NFATC3: variants seen among roughly 807,000 people sequenced by gnomAD.
NFATC3 encodes the protein nuclear factor of activated T-cells, cytoplasmic 3.
In NFATC3, 46 loss-of-function variants were observed where a neutral mutation model predicts 98.6. That is an observed-to-expected ratio of 0.47 (90% CI 0.37 to 0.60). The LOEUF (loss-of-function observed/expected upper bound fraction) is 0.60, where lower values mean the gene tolerates loss of function less well. NFATC3 is among the 20% of genes least tolerant of loss of function. The pLI, the probability that NFATC3 is intolerant of heterozygous loss-of-function variation, is 0.00. For missense variants in NFATC3, 1,256 were observed against 1,295.5 expected (o/e 0.97, Z 0.47); for synonymous variants, 512 against 472.2 (o/e 1.08, Z -1.09).
intron 1 of NFATC3, among the ~76,000 whole-genome samples, chr16:68,108,299 A>G (rs1183206934): frequency 6.6e-6 from 1 of 152,180 alleles, no homozygotes; most frequent in Non-Finnish European, 1.5e-5. Flanking sequence ...GCATATGGCT[A>G]GCCAGTTCTC....
At chr16:68,098,294 ATTATTAT>A (rs1361103271) in intron 1 of NFATC3, among the ~76,000 whole-genome samples, 17 of 104,418 alleles carry the variant, frequency 1.6e-4, no homozygotes, top group African/African-American at 7.5e-4. Context: ...TATTATTATT[ATTATTAT>A]TTTTTTTTTT....
At chr16:68,209,559 G>A (rs1021774307) in intron 9 of NFATC3, 5 of 316,334 alleles carry the variant, frequency 1.6e-5, no homozygotes, top group Admixed American at 1.5e-4. Context: ...GGCCTAGCAC[G>A]TGGAATTTGC....
At chr16:68,204,959 C>T (rs2041083535) in intron 9 of NFATC3, among the ~76,000 whole-genome samples, 1 of 149,452 alleles carries the variant, frequency 6.7e-6, no homozygotes, top group African/African-American at 2.5e-5. Context: ...TAAATGTGTT[C>T]AAACAGCTTT....
chr16:68,226,465 G>T lies in NFATC3; in HGVS notation c.3222G>T (p.Gly1074=). Residue 1074 remains glycine (G), a synonymous_variant, in exon 10 of 10, where the codon GGG becomes GGT. Transcript: ENST00000346183. ...CCCTGGATTTAGGAAGATCTGATGG[G>T]CTCTAACAGTGCTTACTGCAGCCTT... ...PESLDLGRSD[G]L The T allele has an allele frequency of 3.3e-6, 5 of 1,523,372 alleles. No homozygotes were observed. Among genetic ancestry groups the T allele is most frequent in the Non-Finnish European group, 3.5e-6 (4 of 1,142,674 alleles). 94.4% of individuals were successfully genotyped at this position (1,523,372 alleles called of 1,614,324 possible).
intron 1 of NFATC3, among the ~76,000 whole-genome samples, chr16:68,093,637 A>G (rs2151445051): frequency 6.6e-6 from 1 of 152,300 alleles, no homozygotes; most frequent in East Asian, 1.9e-4. Context: ...TTGAGTACCT[A>G]TTATGTGCAA....
intron 4 of NFATC3, among the ~76,000 whole-genome samples, chr16:68,162,955 G>C (rs555610812): frequency 4.2e-5 from 6 of 142,292 alleles, no homozygotes; most frequent in Non-Finnish European, 6.1e-5. Flanking sequence ...TCTTAACAAC[G>C]AGCACGCTGC....
At chr16:68,141,519 G>A (rs569895860) in intron 3 of NFATC3, among the ~76,000 whole-genome samples, 64 of 152,226 alleles carry the variant, frequency 4.2e-4, no homozygotes, top group South Asian at 6.2e-4. Context: ...CTGGAGGAAG[G>A]CGGTATCTCA....
chr16:68,212,938 C>A (rs1288120720), intron 9 of NFATC3, among the ~76,000 whole-genome samples: 1 of 148,414 alleles, frequency 6.7e-6, no homozygotes, highest in Non-Finnish European at 1.5e-5. Flanking sequence ...TACAGGCGCC[C>A]GCCACCACGC....
intron 6 of NFATC3, among the ~76,000 whole-genome samples, chr16:68,180,046 G>A (rs1361145203): frequency 6.6e-6 from 1 of 152,146 alleles, no homozygotes; most frequent in Non-Finnish European, 1.5e-5. Context: ...TTCCGTGTAC[G>A]GTGGTTAGAG....
At chr16:68,222,501 TAAGAA>T (rs1254040657) in intron 9 of NFATC3, among the ~76,000 whole-genome samples, 1 of 152,152 alleles carries the variant, frequency 6.6e-6, no homozygotes, top group East Asian at 1.9e-4. Context: ...TGATAAATGA[TAAGAA>T]AAGATGATTT....
At position 68,122,974 on chromosome 16, in the gene NFATC3, G is replaced by A. The variant is rs780469779; in HGVS notation, c.1091G>A (p.Ser364Asn). 1 of 1,614,180 alleles carries A rather than the reference G, an allele frequency of 6.2e-7. No homozygotes were observed. Among genetic ancestry groups the A allele is most frequent in the Non-Finnish European group, 8.5e-7 (1 of 1,180,036 alleles). The part of the protein sequence containing the change: ...KLELCSDDQG[S>N]LSPARETSID... ...GAGCTGTGTTCAGATGACCAAGGGA[G>A]TTTATCACCAGCCCGGGAGACTTCA... Residue 364 changes from serine to asparagine, a missense_variant, in exon 2 of 10, where the codon AGT (serine) becomes AAT (asparagine). By Grantham distance (46) the Ser-to-Asn change is conservative. Coordinates refer to ENST00000346183, the MANE Select transcript of NFATC3 (RefSeq NM_173165.3).
At chr16:68,223,603 T>TA (rs1348638304) in intron 9 of NFATC3, among the ~76,000 whole-genome samples, 2 of 151,966 alleles carry the variant, frequency 1.3e-5, no homozygotes, top group Non-Finnish European at 2.9e-5. Context: ...CCCTGTCTCT[T>TA]AAAAAACAAA....
chr16:68,157,427 A>G lies in NFATC3; in HGVS notation c.1402-442A>G, dbSNP rs370123158. On this transcript the variant is annotated intron_variant, in intron 3 of 9. Transcript: ENST00000346183. Reference sequence around the variant, plus strand: ...ACTTATAAAATTGTAAGTTTATAATATATGGAATAGGGGTTTTCAGACTCT... The same window carrying G: ...ACTTATAAAATTGTAAGTTTATAATGTATGGAATAGGGGTTTTCAGACTCT... Among the ~76,000 whole-genome samples, 10 of 152,200 alleles carry G rather than the reference A, an allele frequency of 6.6e-5. No individual in the cohort carries two copies. In the East Asian group the frequency reaches 1.2e-3, roughly 18 times the overall value.
chr16:68,100,479 A>G (rs1244034125), intron 1 of NFATC3, among the ~76,000 whole-genome samples: 1 of 152,100 alleles, frequency 6.6e-6, no homozygotes, highest in Non-Finnish European at 1.5e-5. Flanking sequence ...AGGCTGAGGC[A>G]TGAGAAATCG....
intron 6 of NFATC3, among the ~76,000 whole-genome samples, chr16:68,176,059 A>C (rs1469905812): frequency 6.7e-6 from 1 of 149,406 alleles, no homozygotes; most frequent in East Asian, 2.0e-4. Flanking sequence ...GCTCACTGCA[A>C]CCTCCACCTC....
chr16:68,123,253 T>A (rs762559262), intron 2 of NFATC3, 132 bp downstream of exon 2: 22 of 863,692 alleles, frequency 2.5e-5, no homozygotes, highest in Middle Eastern at 2.8e-4. Context: ...TTAAAAAAAA[T>A]TTTACCAAAT....
intron 9 of NFATC3, among the ~76,000 whole-genome samples, chr16:68,195,388 A>G (rs1347704512): frequency 6.6e-6 from 1 of 152,188 alleles, no homozygotes; most frequent in African/African-American, 2.4e-5. Context: ...GAGGGGGAAG[A>G]GCAGTACACA....
chr16:68,150,187 T>TCTATCAG (rs2038239278), intron 3 of NFATC3, among the ~76,000 whole-genome samples: 1 of 152,128 alleles, frequency 6.6e-6, no homozygotes, highest in African/African-American at 2.4e-5. Flanking sequence ...TCTAGATCAG[T>TCTATCAG]GTCTCTCAGC....
intron 9 of NFATC3, among the ~76,000 whole-genome samples, chr16:68,209,100 T>A (rs2151153235): frequency 6.6e-6 from 1 of 152,352 alleles, no homozygotes; most frequent in Admixed American, 6.5e-5. Context: ...TTGTTCTTTG[T>A]TGATAATGAT....
Sources: allele counts gnomAD v4.1 joint callset (sites outside exome capture counted in the v4.1 genomes callset), GRCh38; gene constraint gnomAD v4.1.1; transcripts MANE v1.5; gene names NCBI Gene and HGNC (gene_info 2026-07-23, HGNC 2026-07-21).